Variants in KCND2 observed in about 807,000 individuals in gnomAD.
KCND2 encodes potassium voltage-gated channel subfamily D member 2.
A neutral mutation model predicts 54.4 loss-of-function variants in KCND2; 16 were observed. The ratio of observed to expected loss-of-function variants is 0.29; its 90% confidence interval spans 0.20 to 0.45. KCND2 has a LOEUF of 0.45. KCND2 is among the 20% of genes least tolerant of loss of function. The probability of loss-of-function intolerance (pLI) is 1.00; values close to 1 mark genes in which losing one functional copy is unlikely to be tolerated. For missense variants in KCND2, 486 were observed against 824.2 expected (o/e 0.59, Z 5.02); for synonymous variants, 317 against 310.7 (o/e 1.02, Z -0.21).
intron 1 of KCND2, among the ~76,000 whole-genome samples, chr7:120,430,859 A>C (rs911941544): frequency 2.6e-5 from 4 of 152,212 alleles, no homozygotes; most frequent in African/African-American, 9.6e-5. Context: ...TTTTCTTCAG[A>C]GATAGTATTA....
chr7:120,405,937 G>A (rs1801348982), intron 1 of KCND2, among the ~76,000 whole-genome samples: 1 of 151,908 alleles, frequency 6.6e-6, no homozygotes, highest in South Asian at 2.1e-4. Context: ...GGTATAGTAG[G>A]TATTGGTTAG....
chr7:120,410,936 C>A (rs1337311345), intron 1 of KCND2, among the ~76,000 whole-genome samples: 1 of 151,774 alleles, frequency 6.6e-6, no homozygotes, highest in Non-Finnish European at 1.5e-5. Context: ...TTTCTTAATC[C>A]AGATTATCAA....
chr7:120,315,754 T>A (rs1391746466), intron 1 of KCND2, among the ~76,000 whole-genome samples: 1 of 150,252 alleles, frequency 6.7e-6, no homozygotes, highest in Non-Finnish European at 1.5e-5. Flanking sequence ...TTTTGTGGTT[T>A]TTCCATAAGC....
chr7:120,651,748 A>G (rs1224909386), intron 1 of KCND2, among the ~76,000 whole-genome samples: 5 of 152,170 alleles, frequency 3.3e-5, no homozygotes, highest in Non-Finnish European at 5.9e-5. Flanking sequence ...CTATTCGGCC[A>G]TCTTCCTTTT....
At chr7:120,626,714 G>A (rs763085915) in intron 1 of KCND2, among the ~76,000 whole-genome samples, 17 of 152,152 alleles carry the variant, frequency 1.1e-4, no homozygotes, top group Non-Finnish European at 2.1e-4. Flanking sequence ...CTGATTCACT[G>A]CATGACCTTG....
chr7:120,275,177 C>T lies in KCND2; in HGVS notation c.545C>T (p.Thr182Met), dbSNP rs1799156139. 1 of 1,613,928 alleles carries T rather than the reference C, an allele frequency of 6.2e-7. No individual in the cohort carries two copies. The highest frequency in any genetic ancestry group is 1.1e-5 in the South Asian group (1 of 91,086). The change falls in exon 1 of 6, where the codon ACG (threonine) becomes ATG (methionine). Residue 182 changes from threonine to methionine, a missense_variant. Thr to Met is a moderately conservative substitution (Grantham distance 81). Transcript: ENST00000331113. ...WRAFENPHTS[T>M]MALVFYYVTG... Reference sequence around the variant, plus strand: ...GCCTTCGAGAACCCCCACACCAGCACGATGGCCCTGGTGTTCTACTATGTC... The same window carrying T: ...GCCTTCGAGAACCCCCACACCAGCATGATGGCCCTGGTGTTCTACTATGTC...
At chr7:120,633,175 TG>T (rs750638939) in intron 1 of KCND2, among the ~76,000 whole-genome samples, 55 of 152,328 alleles carry the variant, frequency 3.6e-4, no homozygotes, top group Non-Finnish European at 1.5e-4. Flanking sequence ...TTCTTTTTTT[TG>T]AGACTAAGTC....
intron 1 of KCND2, among the ~76,000 whole-genome samples, chr7:120,337,062 TAGA>T (rs955985574): frequency 7.2e-5 from 11 of 152,030 alleles, no homozygotes; most frequent in African/African-American, 2.4e-4. Flanking sequence ...AGAAAAATAA[TAGA>T]AGCCTCTCCA....
chr7:120,642,582 A>G (rs1793391885), intron 1 of KCND2, among the ~76,000 whole-genome samples: 1 of 150,142 alleles, frequency 6.7e-6, no homozygotes, highest in Non-Finnish European at 1.5e-5. Flanking sequence ...AAAAAAATAT[A>G]TATATATATG....
At chr7:120,489,117 C>G (rs1361074403) in intron 1 of KCND2, among the ~76,000 whole-genome samples, 2 of 151,920 alleles carry the variant, frequency 1.3e-5, no homozygotes, top group Non-Finnish European at 2.9e-5. Flanking sequence ...ATACTATGTT[C>G]CCATTCAGAA....
chr7:120,415,009 C>A (rs985632408), intron 1 of KCND2, among the ~76,000 whole-genome samples: 10 of 152,088 alleles, frequency 6.6e-5, no homozygotes, highest in African/African-American at 2.4e-4. Context: ...AATCATCAAC[C>A]CCCAATGAAG....
intron 1 of KCND2, among the ~76,000 whole-genome samples, chr7:120,327,076 T>C (rs2116340983): frequency 6.6e-6 from 1 of 152,240 alleles, no homozygotes; most frequent in South Asian, 2.1e-4. Flanking sequence ...TTACACGTTG[T>C]AATAAACTAT....
chr7:120,524,198 G>A (rs1339658680), intron 1 of KCND2, among the ~76,000 whole-genome samples: 11 of 151,734 alleles, frequency 7.2e-5, no homozygotes, highest in Admixed American at 5.9e-4. Context: ...TCACACCACT[G>A]CACTCCAGAC....
At chr7:120,668,898 TCTAGGA>T (rs1036522891) in intron 1 of KCND2, among the ~76,000 whole-genome samples, 6 of 152,062 alleles carry the variant, frequency 3.9e-5, no homozygotes, top group African/African-American at 1.4e-4. Context: ...TTCTTTGTTA[TCTAGGA>T]CCAGTTACAA....
intron 1 of KCND2, among the ~76,000 whole-genome samples, chr7:120,689,704 C>T (rs568168007): frequency 2.5e-4 from 38 of 152,318 alleles, no homozygotes; most frequent in South Asian, 2.1e-3. Flanking sequence ...CTTTGTAGCA[C>T]GGAATATGCA....
intron 1 of KCND2, among the ~76,000 whole-genome samples, chr7:120,438,430 A>G (rs1232995373): frequency 6.6e-6 from 1 of 152,186 alleles, no homozygotes; most frequent in East Asian, 1.9e-4. Flanking sequence ...GGCCAATTTG[A>G]GTAATATTTT....
intron 1 of KCND2, among the ~76,000 whole-genome samples, chr7:120,589,311 A>T (rs1792641192): frequency 1.3e-5 from 2 of 152,358 alleles, no homozygotes; most frequent in Admixed American, 1.3e-4. Context: ...GCAAAACACA[A>T]GAATAAATAA....
intron 1 of KCND2, among the ~76,000 whole-genome samples, chr7:120,278,124 T>C (rs560617925): frequency 6.6e-6 from 1 of 152,158 alleles, no homozygotes; most frequent in South Asian, 2.1e-4. Context: ...ATATGCTTTA[T>C]AATATAACAG....
intron 1 of KCND2, among the ~76,000 whole-genome samples, chr7:120,717,213 C>T (rs1346970139): frequency 6.6e-6 from 1 of 152,034 alleles, no homozygotes; most frequent in East Asian, 1.9e-4. Flanking sequence ...GAAGGAGGAT[C>T]AAATGCTTCG....
Sources: gnomAD v4.1 joint callset for allele counts (sites outside exome capture counted in the v4.1 genomes callset) on GRCh38, gnomAD v4.1.1 for gene constraint, MANE v1.5 for transcripts, NCBI Gene and HGNC (gene_info 2026-07-23, HGNC 2026-07-21) for gene names.